The following TNR variants were observed in gnomAD, a reference collection of about 807,000 sequenced individuals.
TNR encodes the protein tenascin R, also known as tenascin-R.
TNR carries 45 observed loss-of-function variants against 150.4 expected under a neutral mutation model. The ratio of observed to expected loss-of-function variants is 0.30; its 90% CI spans 0.24 to 0.38. TNR has a LOEUF of 0.38. Among genes scored for constraint, TNR ranks in the 10% least tolerant of loss-of-function variants. The pLI is 1.00. For synonymous variants in TNR, 687 were observed against 678.4 expected (o/e 1.01, Z -0.20); for missense variants, 1,544 against 1,759.1 (o/e 0.88, Z 2.19).
intron 1 of TNR, among the ~76,000 whole-genome samples, chr1:175,713,861 G>T (rs1433085695): frequency 6.6e-6 from 1 of 152,150 alleles, no homozygotes; most frequent in Non-Finnish European, 1.5e-5. Flanking sequence ...CTTCACATTA[G>T]CTCAGTGAAA....
In TNR at chr1:175,714,607, G is replaced by A. The variant is rs192461246; in HGVS notation, c.-165+28619C>T. On this transcript the variant is annotated intron_variant, in intron 1 of 22. Coordinates refer to ENST00000367674, the MANE Select transcript of TNR (RefSeq NM_003285.3). ...GCTAATGCACACTGAACCATCCCCC[G>A]TTTTGAAAGACCTTCCTGGGATTGT... is the stretch of plus-strand genomic sequence containing the variant. Among the ~76,000 whole-genome samples the A allele has an allele frequency of 1.3e-3, 203 of 152,194 alleles. 2 individuals carry two copies. Among genetic ancestry groups the A allele is most frequent in the African/African-American group, 4.7e-3 (194 of 41,532 alleles).
chr1:175,364,901 G>T, intron 12 of TNR, 109 bp downstream of exon 12: 1 of 1,363,652 alleles, frequency 7.3e-7, no homozygotes, highest in East Asian at 2.3e-5. Flanking sequence ...TCTAGCCATA[G>T]AGGAAATCCC....
chr1:175,324,976 T>G (rs1649288486), intron 21 of TNR, among the ~76,000 whole-genome samples: 1 of 152,184 alleles, frequency 6.6e-6, no homozygotes, highest in Admixed American at 6.5e-5. Flanking sequence ...CCCAAGAAAC[T>G]GCATTCTGAA....
chr1:175,439,540 T>G (rs1318782057), intron 2 of TNR, among the ~76,000 whole-genome samples: 1 of 152,026 alleles, frequency 6.6e-6, no homozygotes, highest in Non-Finnish European at 1.5e-5. Context: ...CTAATTAAAC[T>G]AAAGAGCTTC....
chr1:175,500,197 T>A (rs973586677), intron 2 of TNR, among the ~76,000 whole-genome samples: 5 of 152,136 alleles, frequency 3.3e-5, no homozygotes, highest in African/African-American at 9.7e-5. Context: ...AGGGTTTTTT[T>A]AAGGATAGTT....
chr1:175,340,377 C>T (rs1455761953), intron 18 of TNR, among the ~76,000 whole-genome samples: 1 of 152,236 alleles, frequency 6.6e-6, no homozygotes, highest in Non-Finnish European at 1.5e-5. Context: ...AGACAACAAG[C>T]ATTTTGCTCA....
intron 1 of TNR, among the ~76,000 whole-genome samples, chr1:175,673,871 C>G (rs1376755027): frequency 6.6e-6 from 1 of 152,214 alleles, no homozygotes; most frequent in Non-Finnish European, 1.5e-5. Flanking sequence ...ACCCAAAGAA[C>G]AAGAAACTCA....
rs544241146 is a variant in TNR at position 175,732,989 on chromosome 1, C to T, written c.-165+10237G>A. Among the ~76,000 whole-genome samples the T allele has an allele frequency of 4.6e-5, 7 of 152,308 alleles. No homozygotes were observed. In the South Asian group the frequency reaches 1.5e-3, roughly 32 times the overall value. On this transcript the variant is annotated intron_variant, in intron 1 of 22. Transcript: ENST00000367674. ...ATTTCTAAATCCAGGAGATCCTAAACATCCCCAAATCAGATCTCAGGTAAC... is the reference window on the plus strand; with the variant it reads ...ATTTCTAAATCCAGGAGATCCTAAATATCCCCAAATCAGATCTCAGGTAAC...
intron 9 of TNR, among the ~76,000 whole-genome samples, chr1:175,369,220 G>A (rs1342371443): frequency 1.3e-5 from 2 of 152,222 alleles, no homozygotes; most frequent in African/African-American, 4.8e-5. Context: ...TTAGCTTCCT[G>A]TGGATGCTGT....
intron 2 of TNR, among the ~76,000 whole-genome samples, chr1:175,460,709 G>A (rs1247624350): frequency 6.6e-6 from 1 of 152,174 alleles, no homozygotes; most frequent in Non-Finnish European, 1.5e-5. Context: ...CTTGTCCAAG[G>A]TGGCAAAGGG....
intron 1 of TNR, among the ~76,000 whole-genome samples, chr1:175,586,434 G>A (rs1307412497): frequency 6.6e-6 from 1 of 152,094 alleles, no homozygotes; most frequent in Non-Finnish European, 1.5e-5. Flanking sequence ...CTGAGTAGCT[G>A]GGATTACAGG....
chr1:175,434,854 C>T (rs1655425839), intron 2 of TNR, among the ~76,000 whole-genome samples: 1 of 152,202 alleles, frequency 6.6e-6, no homozygotes, highest in South Asian at 2.1e-4. Flanking sequence ...ATCACATGCA[C>T]CTTACCTCAC....
intron 1 of TNR, among the ~76,000 whole-genome samples, chr1:175,636,021 C>T (rs1289160489): frequency 6.6e-6 from 1 of 152,156 alleles, no homozygotes; most frequent in Admixed American, 6.6e-5. Context: ...TGGGTGCCAG[C>T]TCCACCCCTA....
intron 1 of TNR, among the ~76,000 whole-genome samples, chr1:175,699,810 C>T (rs1343017315): frequency 1.3e-5 from 2 of 151,994 alleles, no homozygotes; most frequent in East Asian, 3.9e-4. Context: ...ATCATCTTCC[C>T]TGATATCTCC....
At chr1:175,713,062 G>A (rs1030380355) in intron 1 of TNR, among the ~76,000 whole-genome samples, 2 of 152,160 alleles carry the variant, frequency 1.3e-5, no homozygotes, top group East Asian at 1.9e-4. Context: ...AGCCTCGCAG[G>A]CCAGTGCAAA....
intron 1 of TNR, among the ~76,000 whole-genome samples, chr1:175,699,590 G>A (rs1310387429): frequency 6.6e-6 from 1 of 152,050 alleles, no homozygotes; most frequent in Admixed American, 6.5e-5. Context: ...ATGGGGAGAG[G>A]GACAGTTAAA....
In TNR at chr1:175,573,582, C is replaced by A. The variant is rs190374754; in HGVS notation, c.-164-45213G>T. Among the ~76,000 whole-genome samples the A allele has an allele frequency of 8.5e-5, 13 of 152,310 alleles. No individual in the cohort carries two copies. The East Asian group carries it at 1.9e-3, about 23-fold the overall frequency. The stretch of plus-strand genomic sequence containing the variant: ...TGCAAGCTATTTTCTGCAAAGTGGG[C>A]AAAGACTGTGGGATTAACGACTGTA... On this transcript the variant is annotated intron_variant, in intron 1 of 22. Coordinates refer to ENST00000367674, the MANE Select transcript of TNR (RefSeq NM_003285.3).
At chr1:175,538,487 G>A (rs1660379131) in intron 1 of TNR, among the ~76,000 whole-genome samples, 1 of 152,116 alleles carries the variant, frequency 6.6e-6, no homozygotes, top group Non-Finnish European at 1.5e-5. Flanking sequence ...TTTTCTTTAG[G>A]CAGCAACTGG....
chr1:175,597,234 G>A (rs1367151255), intron 1 of TNR, among the ~76,000 whole-genome samples: 7 of 152,158 alleles, frequency 4.6e-5, no homozygotes, highest in Non-Finnish European at 7.3e-5. Context: ...CCAGCACAGT[G>A]GTGAGATGAG....
Sources: gnomAD v4.1 joint callset for allele counts (sites outside exome capture counted in the v4.1 genomes callset) on GRCh38, gnomAD v4.1.1 for gene constraint, MANE v1.5 for transcripts, NCBI Gene and HGNC (gene_info 2026-07-23, HGNC 2026-07-21) for gene names.